PTTG1IP: variants seen among roughly 807,000 people sequenced by gnomAD.
PTTG1IP encodes pituitary tumor-transforming gene 1 protein-interacting protein.
Under a neutral mutation model 24.4 loss-of-function variants are expected in PTTG1IP, and 16 were observed. That is an observed-to-expected ratio of 0.66 (90% confidence interval 0.44 to 1.00). The LOEUF (loss-of-function observed/expected upper bound fraction) is 1.00, where lower values mean the gene tolerates loss of function less well. Ranked by LOEUF, PTTG1IP falls within the 50% of genes least tolerant of loss-of-function variation. The pLI, the probability that PTTG1IP is intolerant of heterozygous loss-of-function variation, is 0.00. For missense variants in PTTG1IP, 241 were observed against 245.8 expected (o/e 0.98, Z 0.13); for synonymous variants, 89 against 96.8 (o/e 0.92, Z 0.47).
At chr21:44,859,604 G>T (rs1021411885) in intron 3 of PTTG1IP, among the ~76,000 whole-genome samples, 1 of 152,156 alleles carries the variant, frequency 6.6e-6, no homozygotes, top group Admixed American at 6.6e-5. Flanking sequence ...AAAGGGCAAG[G>T]CTCCCCAGGT....
chr21:44,857,902 G>A lies in PTTG1IP; in HGVS notation c.278-1538C>T, dbSNP rs1476327434. 4.6e-5 allele frequency among the ~76,000 whole-genome samples: 7 copies of A among 152,316 alleles called. No homozygotes were observed. In the East Asian group the frequency reaches 1.4e-3, roughly 29 times the overall value. On this transcript the variant is annotated intron_variant, in intron 3 of 5. Coordinates refer to ENST00000330938, the MANE Select transcript of PTTG1IP (RefSeq NM_004339.4). ...TATAGTAAGAGGGAGAACTACAGAG[G>A]GGACCTTCATTGGCAGAAGATGTCA...
At position 44,858,289 on chromosome 21, in the gene PTTG1IP, T is replaced by C. The variant is rs544637706; in HGVS notation, c.278-1925A>G. ...GATAAAATGGTTCTAAGGTTACCTGTAAGAATAAACAAGGACCTGTGGTGC... is the reference window on the plus strand; with the variant it reads ...GATAAAATGGTTCTAAGGTTACCTGCAAGAATAAACAAGGACCTGTGGTGC... On this transcript the variant is annotated intron_variant, in intron 3 of 5. Coordinates refer to ENST00000330938, the MANE Select transcript of PTTG1IP (RefSeq NM_004339.4). Among the ~76,000 whole-genome samples the C allele has an allele frequency of 1.3e-5, 2 of 152,324 alleles. 1 individual carries two copies. The highest frequency in any genetic ancestry group is 4.1e-4 in the South Asian group (2 of 4,826).
intron 5 of PTTG1IP, among the ~76,000 whole-genome samples, chr21:44,853,799 C>T (rs2083428608): frequency 6.6e-6 from 1 of 152,224 alleles, no homozygotes; most frequent in Admixed American, 6.5e-5. Flanking sequence ...AGCGCCCAAG[C>T]ACACGGCACT....
rs908827857 is a variant in PTTG1IP at position 44,856,198 on chromosome 21, C to T, written c.444G>A (p.Glu148=). The change falls in exon 4 of 6, where the codon GAG becomes GAA. Residue 148 remains glutamate, a synonymous_variant. Transcript: ENST00000330938. ...REREERRIRQ[E]ERRAEMKTRH... ...GGGCATCACCACCACCTCACCGTTC[C>T]TCCTGCCGTATCCGCCTCTCCTCCC... The T allele has an allele frequency of 6.2e-7, 1 of 1,614,046 alleles. No individual in the cohort carries two copies. The highest frequency in any genetic ancestry group is 1.3e-5 in the African/African-American group (1 of 74,932).
At chr21:44,866,833 C>T (rs545605451) in intron 1 of PTTG1IP, among the ~76,000 whole-genome samples, 4 of 152,290 alleles carry the variant, frequency 2.6e-5, no homozygotes, top group African/African-American at 9.6e-5. Context: ...ATGACAATAC[C>T]AAATGTTGGC....
intron 2 of PTTG1IP, chr21:44,861,716 C>A (rs768411879): frequency 2.8e-6 from 2 of 716,550 alleles, no homozygotes; most frequent in Middle Eastern, 2.8e-4. Context: ...GCCTCCACCC[C>A]CTCCTCCTCA....
intron 1 of PTTG1IP, among the ~76,000 whole-genome samples, chr21:44,868,531 G>C (rs1038502110): frequency 5.3e-5 from 8 of 152,178 alleles, no homozygotes; most frequent in Admixed American, 4.6e-4. Flanking sequence ...CAGTGCCCGA[G>C]AGTGGCACAG....
chr21:44,852,782 C>T (rs146514759), intron 5 of PTTG1IP, among the ~76,000 whole-genome samples: 3 of 152,232 alleles, frequency 2.0e-5, no homozygotes, highest in Non-Finnish European at 4.4e-5. Context: ...GAGGGAAAAC[C>T]AAAACCAAAA....
intron 5 of PTTG1IP, 104 bp from the exon 6 acceptor site, chr21:44,851,731 T>C (rs997286449): frequency 6.5e-6 from 9 of 1,395,272 alleles, no homozygotes; most frequent in Admixed American, 4.6e-5. Flanking sequence ...ACTGAGGCTA[T>C]AGCAACAACG....
intron 5 of PTTG1IP, among the ~76,000 whole-genome samples, chr21:44,854,899 C>T (rs1252493251): frequency 6.6e-6 from 1 of 152,218 alleles, no homozygotes; most frequent in Non-Finnish European, 1.5e-5. Flanking sequence ...GGCGTGCCCA[C>T]AGGAAGCCAA....
chr21:44,871,955 G>C (rs1193528452), intron 1 of PTTG1IP, among the ~76,000 whole-genome samples: 1 of 152,122 alleles, frequency 6.6e-6, no homozygotes, highest in Non-Finnish European at 1.5e-5. Flanking sequence ...GGCAGTTCCG[G>C]ATTAATTCCC....
At chr21:44,851,884 G>A (rs982910061) in intron 5 of PTTG1IP, among the ~76,000 whole-genome samples, 10 of 152,180 alleles carry the variant, frequency 6.6e-5, no homozygotes, top group Admixed American at 2.0e-4. Flanking sequence ...GATGCTCGGC[G>A]AAGAAAAGAA....
rs1373110207 is a variant in PTTG1IP, at chr21:44,849,761, G to A, written c.*1820C>T. 6.6e-6 allele frequency: 1 copy of A among 152,410 alleles called. No homozygotes were observed. Among genetic ancestry groups the A allele is most frequent in the Non-Finnish European group, 1.5e-5 (1 of 68,048 alleles). 9.4% of individuals were successfully genotyped at this position (152,410 alleles called of 1,614,324 possible). Reference sequence around the variant, plus strand: ...ACGTGGGTTTCTACACTGAGCGCAAGGGCTGACTACGCTGTATTTCACAAC... The same window carrying A: ...ACGTGGGTTTCTACACTGAGCGCAAAGGCTGACTACGCTGTATTTCACAAC... On this transcript the variant is annotated 3_prime_UTR_variant, in exon 6 of 6. Transcript: ENST00000330938.
In PTTG1IP at chr21:44,865,879, G is replaced by A. The variant is rs756497981; in HGVS notation, c.116-432C>T. 9 of 254,674 alleles carry A rather than the reference G, an allele frequency of 3.5e-5. 1 individual carries two copies. The highest frequency in any genetic ancestry group is 7.0e-5 in the Non-Finnish European group (9 of 129,302). The allele number at this position is 254,674 out of a possible 1,614,324, so 15.8% of individuals were successfully genotyped here. The stretch of plus-strand genomic sequence containing the variant: ...CATCCGAGGCCACAGCAACGCCAGC[G>A]ACACTGCCACGCAGCACACTTGTGT... On this transcript the variant is annotated intron_variant, in intron 1 of 5. Coordinates refer to ENST00000330938, the MANE Select transcript of PTTG1IP (RefSeq NM_004339.4).
chr21:44,856,070 T>C (rs1053073521), intron 4 of PTTG1IP, 123 bp downstream of exon 4: 8 of 1,581,366 alleles, frequency 5.1e-6, no homozygotes, highest in South Asian at 1.2e-5. Context: ...CCCTGGGCAC[T>C]ATACACATTC....
intron 3 of PTTG1IP, among the ~76,000 whole-genome samples, chr21:44,860,286 G>C (rs368239106): frequency 6.6e-6 from 1 of 152,100 alleles, no homozygotes; most frequent in Admixed American, 6.5e-5. Flanking sequence ...GGAGAATGGC[G>C]TGAACCTGGG....
intron 1 of PTTG1IP, among the ~76,000 whole-genome samples, chr21:44,867,850 T>A (rs947588127): frequency 4.6e-5 from 7 of 152,236 alleles, no homozygotes; most frequent in Non-Finnish European, 2.9e-5. Context: ...TTTCACTCAT[T>A]ACGTTTACCA....
chr21:44,863,050 A>G (rs2146464005), intron 2 of PTTG1IP, among the ~76,000 whole-genome samples: 1 of 148,216 alleles, frequency 6.7e-6, no homozygotes, highest in Admixed American at 6.7e-5. Flanking sequence ...CAGCTCAGGC[A>G]GCAGCACAGA....
intron 1 of PTTG1IP, among the ~76,000 whole-genome samples, chr21:44,868,781 T>C (rs536165553): frequency 6.6e-6 from 1 of 152,136 alleles, no homozygotes; most frequent in South Asian, 2.1e-4. Context: ...TCCCCAAAGA[T>C]GCCAAGTCCA....
Sources: allele counts gnomAD v4.1 joint callset (sites outside exome capture counted in the v4.1 genomes callset), GRCh38; gene constraint gnomAD v4.1.1; transcripts MANE v1.5; gene names NCBI Gene and HGNC (gene_info 2026-07-23, HGNC 2026-07-21).